Variants in CAST observed in about 807,000 individuals in gnomAD.
CAST encodes the protein calpastatin.
Under a neutral mutation model 119.6 loss-of-function variants are expected in CAST, and 76 were observed. That is an observed-to-expected ratio of 0.64 (90% CI 0.53 to 0.77). CAST has a LOEUF of 0.77. CAST is among the 30% of genes least tolerant of loss of function. The probability of loss-of-function intolerance (pLI) is 0.00; values close to 1 mark genes in which losing one functional copy is unlikely to be tolerated. For missense variants in CAST, 953 were observed against 946.5 expected (o/e 1.01, Z -0.09); for synonymous variants, 319 against 331.6 (o/e 0.96, Z 0.41).
At chr5:96,196,469 A>G in the CAST span, among the ~76,000 whole-genome samples, 1 of 152,232 alleles carries the variant, frequency 6.6e-6, no homozygotes, top group Non-Finnish European at 1.5e-5. Context: ...GGGGAAAATG[A>G]TAATAAACTT....
chr5:96,446,957 T>C, the CAST span, among the ~76,000 whole-genome samples: 14 of 152,210 alleles, frequency 9.2e-5, 1 homozygote, highest in Non-Finnish European at 2.1e-4. Flanking sequence ...GGAGGAAAGG[T>C]AGGATCCTAA....
At chr5:96,040,161 T>C in the CAST span, among the ~76,000 whole-genome samples, 1 of 152,250 alleles carries the variant, frequency 6.6e-6, no homozygotes, top group African/African-American at 2.4e-5. Flanking sequence ...ACTCATGATT[T>C]GGCTCTCTGT....
chr5:95,976,632 GAT>G, the CAST span, among the ~76,000 whole-genome samples: 2 of 151,932 alleles, frequency 1.3e-5, no homozygotes, highest in Non-Finnish European at 2.9e-5. Context: ...TGACATCCAG[GAT>G]ACACACTAGA....
chr5:96,085,407 A>G, the CAST span, among the ~76,000 whole-genome samples: 24 of 152,206 alleles, frequency 1.6e-4, no homozygotes, highest in Admixed American at 1.6e-3. Flanking sequence ...AGTTCTTGAG[A>G]AACAAATGAG....
the CAST span, among the ~76,000 whole-genome samples, chr5:96,163,871 G>C: frequency 6.6e-6 from 1 of 152,180 alleles, no homozygotes; most frequent in African/African-American, 2.4e-5. Flanking sequence ...TCACTATGTA[G>C]GGTCACTGCC....
At chr5:96,530,653 A>G (rs1402201978) in intron 1 of CAST, among the ~76,000 whole-genome samples, 2 of 152,214 alleles carry the variant, frequency 1.3e-5, no homozygotes, top group Non-Finnish European at 2.9e-5. Flanking sequence ...GAGTCAGCCC[A>G]GGAGGAGAAA....
At chr5:95,994,396 A>T in the CAST span, among the ~76,000 whole-genome samples, 1 of 152,216 alleles carries the variant, frequency 6.6e-6, no homozygotes, top group African/African-American at 2.4e-5. Context: ...AAATCACAAC[A>T]TTATATTCCA....
At chr5:96,681,732 C>CAAAA (rs70981836) in intron 2 of CAST, among the ~76,000 whole-genome samples, 2 of 89,448 alleles carry the variant, frequency 2.2e-5, no homozygotes, top group Admixed American at 1.1e-4. Context: ...GACTCCGTCT[C>CAAAA]AAAAAAAAAA....
chr5:96,324,127 A>C, the CAST span, among the ~76,000 whole-genome samples: 3 of 152,222 alleles, frequency 2.0e-5, no homozygotes, highest in Non-Finnish European at 4.4e-5. Context: ...TTATTGATAG[A>C]AATTCTCCAA....
chr5:95,996,303 A>G, the CAST span, among the ~76,000 whole-genome samples: 1 of 152,164 alleles, frequency 6.6e-6, no homozygotes, highest in Non-Finnish European at 1.5e-5. Context: ...TCCTAAGACA[A>G]TGCCTCAAAA....
the CAST span, among the ~76,000 whole-genome samples, chr5:96,000,850 T>C: frequency 6.6e-6 from 1 of 152,236 alleles, no homozygotes; most frequent in South Asian, 2.1e-4. Flanking sequence ...CTAATAATTA[T>C]CTTTTTGTAA....
At chr5:96,763,095 C>A (rs1768565530) in intron 25 of CAST, 2 of 775,348 alleles carry the variant, frequency 2.6e-6, no homozygotes, top group East Asian at 4.9e-5. Context: ...GCCTCATTTG[C>A]TAGATGGAGA....
chr5:96,250,569 A>C, the CAST span, among the ~76,000 whole-genome samples: 3 of 152,184 alleles, frequency 2.0e-5, no homozygotes, highest in Non-Finnish European at 4.4e-5. Flanking sequence ...CTTGTTGGTC[A>C]GAATTGCATC....
chr5:96,452,936 G>A, the CAST span, among the ~76,000 whole-genome samples: 3 of 99,980 alleles, frequency 3.0e-5, no homozygotes, highest in African/African-American at 4.9e-5. Context: ...CGGCCTGGGC[G>A]ACAGAGCGAG....
intron 1 of CAST, among the ~76,000 whole-genome samples, chr5:96,550,635 T>C (rs938131677): frequency 6.6e-6 from 1 of 152,212 alleles, no homozygotes. Context: ...AGGAGCATTG[T>C]TCTAAACCAT....
At chr5:96,566,814 A>C (rs1307895435) in intron 1 of CAST, among the ~76,000 whole-genome samples, 2 of 152,232 alleles carry the variant, frequency 1.3e-5, no homozygotes, top group African/African-American at 4.8e-5. Context: ...AAAATAAAAA[A>C]CTGCCACAAC....
At chr5:96,081,007 G>T in the CAST span, among the ~76,000 whole-genome samples, 1 of 152,178 alleles carries the variant, frequency 6.6e-6, no homozygotes, top group Non-Finnish European at 1.5e-5. Flanking sequence ...TCTTTTCTTG[G>T]ATTGTAAGTT....
the CAST span, among the ~76,000 whole-genome samples, chr5:96,516,671 G>T: frequency 6.6e-6 from 1 of 152,204 alleles, no homozygotes; most frequent in African/African-American, 2.4e-5. Flanking sequence ...TGATGAAAAT[G>T]CTGGGGAACA....
chr5:96,102,263 G>T, the CAST span, among the ~76,000 whole-genome samples: 3 of 152,160 alleles, frequency 2.0e-5, no homozygotes, highest in African/African-American at 7.2e-5. Flanking sequence ...GTGACTTTCA[G>T]TGTAGAAGGG....
Sources: allele counts gnomAD v4.1 joint callset (sites outside exome capture counted in the v4.1 genomes callset), GRCh38; gene constraint gnomAD v4.1.1; transcripts MANE v1.5; gene names NCBI Gene and HGNC (gene_info 2026-07-23, HGNC 2026-07-21).